Variants in ATXN7 observed in about 807,000 individuals in gnomAD.
ATXN7 encodes ataxin 7, also known as ataxin-7.
Under a neutral mutation model 70.5 loss-of-function variants are expected in ATXN7, and 12 were observed. The ratio of observed to expected loss-of-function variants is 0.17; its 90% CI spans 0.11 to 0.28. ATXN7 has a LOEUF of 0.28. Ranked by LOEUF, ATXN7 falls within the 10% of genes least tolerant of loss-of-function variation. The pLI is 1.00. For missense variants in ATXN7, 1,256 were observed against 1,131.7 expected, an observed-to-expected ratio of 1.11 and a Z score of -1.58; for synonymous variants, 498 against 448.7, an observed-to-expected ratio of 1.11 and a Z score of -1.39.
chr3:63,958,434 T>TA lies in ATXN7; in HGVS notation c.499+5951_499+5952insA, dbSNP rs1441857039. 2.4e-4 allele frequency among the ~76,000 whole-genome samples: 36 copies of TA among 152,214 alleles called. 1 individual carries two copies. Among genetic ancestry groups the TA allele is most frequent in the Admixed American group, 2.4e-3 (36 of 15,276 alleles). ...TCTCTGAGATCTGATGGACTGGTTCTGGCAAAAATGCTGGTTCTCATTGTT... is the reference window on the plus strand; with the variant it reads ...TCTCTGAGATCTGATGGACTGGTTCTAGGCAAAAATGCTGGTTCTCATTGTT... On this transcript the variant is annotated intron_variant, in intron 5 of 12. Transcript: ENST00000674280.
chr3:63,919,769 G>T (rs1704434351), intron 4 of ATXN7, among the ~76,000 whole-genome samples: 1 of 106,396 alleles, frequency 9.4e-6, no homozygotes, highest in Non-Finnish European at 1.7e-5. Flanking sequence ...CCCCACAACA[G>T]TCCCAGGTGT....
intron 4 of ATXN7, among the ~76,000 whole-genome samples, chr3:63,929,902 C>T (rs991153339): frequency 6.6e-6 from 1 of 152,190 alleles, no homozygotes; most frequent in Admixed American, 6.5e-5. Flanking sequence ...TCCCAGAACC[C>T]TGTCCTTGGC....
intron 7 of ATXN7, 122 bp downstream of exon 7, chr3:63,982,567 G>GGAAGTTCC (rs2106761279): frequency 1.1e-6 from 1 of 893,182 alleles, no homozygotes; most frequent in Non-Finnish European, 1.7e-6. Context: ...AGCTTTAGGA[G>GGAAGTTCC]GAAGTTCCTT....
chr3:63,926,277 G>A (rs979754348), intron 4 of ATXN7, among the ~76,000 whole-genome samples: 1 of 152,148 alleles, frequency 6.6e-6, no homozygotes, highest in African/African-American at 2.4e-5. Context: ...CAACAACAAC[G>A]AGTTAAAGAA....
intron 4 of ATXN7, among the ~76,000 whole-genome samples, chr3:63,945,577 C>G (rs955543915): frequency 6.6e-6 from 1 of 152,184 alleles, no homozygotes; most frequent in Non-Finnish European, 1.5e-5. Flanking sequence ...ATCACAAGGA[C>G]TTAATCTTTC....
chr3:63,958,257 T>C (rs893439689), intron 5 of ATXN7, among the ~76,000 whole-genome samples: 5 of 152,244 alleles, frequency 3.3e-5, no homozygotes, highest in Non-Finnish European at 7.3e-5. Context: ...TGGATTCTTT[T>C]AGATGCTATC....
chr3:63,939,117 A>T (rs2074712954), intron 4 of ATXN7, among the ~76,000 whole-genome samples: 1 of 152,032 alleles, frequency 6.6e-6, no homozygotes, highest in Admixed American at 6.6e-5. Context: ...TGGCTGTCTC[A>T]GAGGCCCTTA....
chr3:63,882,920 G>A (rs73130544), intron 1 of ATXN7, among the ~76,000 whole-genome samples: 15,557 of 152,210 alleles, frequency 0.1, 985 homozygotes, highest in Admixed American at 0.15. Flanking sequence ...AGCTCGTGGT[G>A]TGTGCCAGGA....
At chr3:63,906,857 G>C (rs1339614947) in intron 2 of ATXN7, among the ~76,000 whole-genome samples, 1 of 152,210 alleles carries the variant, frequency 6.6e-6, no homozygotes, top group African/African-American at 2.4e-5. Flanking sequence ...GGAGGCAACT[G>C]AACAGTGTAG....
chr3:63,988,463 GA>G (rs1042028888), intron 9 of ATXN7, 139 bp downstream of exon 9: 19,551 of 860,602 alleles, frequency 0.023, 1 homozygote, highest in Middle Eastern at 0.03. Flanking sequence ...GTTTTACTAT[GA>G]AAAAAAAAAA....
intron 5 of ATXN7, among the ~76,000 whole-genome samples, chr3:63,962,844 CAA>C (rs2075153524): frequency 6.6e-6 from 1 of 151,080 alleles, no homozygotes; most frequent in Non-Finnish European, 1.5e-5. Flanking sequence ...CTTAGCCAAA[CAA>C]ATTAAGAGAG....
chr3:63,954,717 T>G lies in ATXN7; in HGVS notation c.499+2234T>G, dbSNP rs545143774. 8.0e-5 allele frequency among the ~76,000 whole-genome samples: 12 copies of G among 149,124 alleles called. 1 individual carries two copies. In the South Asian group the frequency reaches 1.5e-3, roughly 19 times the overall value. On this transcript the variant is annotated intron_variant, in intron 5 of 12. Coordinates refer to ENST00000674280, the MANE Select transcript of ATXN7 (RefSeq NM_001377405.1). ...AAAAAGTGTTTTTTTTTTTGTTTTT[T>G]TTTTTTTTTGAGACGGAGTCTCGCT...
Position 63,982,825 on chromosome 3 carries a change from G to A in ATXN7, c.1013-114G>A, listed in dbSNP as rs992596265. On this transcript the variant is annotated intron_variant, in intron 7 of 12. Transcript: ENST00000674280. ...TATTTTTTATTTTATTGATAATGTGGCTTTTATTCCAGCTATAATTTATCT... is the reference window on the plus strand; with the variant it reads ...TATTTTTTATTTTATTGATAATGTGACTTTTATTCCAGCTATAATTTATCT... 1.7e-5 allele frequency: 14 copies of A among 807,378 alleles called. No individual in the cohort carries two copies. In the African/African-American group the frequency reaches 2.2e-4, roughly 13 times the overall value. 50.0% of individuals were successfully genotyped at this position (807,378 alleles called of 1,614,324 possible). A position where few individuals can be genotyped will look rare whatever the true frequency, so the allele number is the denominator to read the frequency against.
At chr3:63,985,695 C>A (rs2075566278) in intron 8 of ATXN7, among the ~76,000 whole-genome samples, 2 of 152,238 alleles carry the variant, frequency 1.3e-5, no homozygotes, top group South Asian at 4.1e-4. Context: ...TCCTCACTGC[C>A]CCTCCTCACT....
At chr3:63,892,374 CCACACACACACACACA>C (rs56293497) in intron 1 of ATXN7, among the ~76,000 whole-genome samples, 7 of 133,478 alleles carry the variant, frequency 5.2e-5, no homozygotes, top group African/African-American at 8.5e-5. Context: ...GACACCTCTA[CCACACACACACACACA>C]CACACACACA....
chr3:63,956,806 GC>G lies in ATXN7; in HGVS notation c.499+4327del, dbSNP rs1410464663. 7.9e-5 allele frequency among the ~76,000 whole-genome samples: 12 copies of G among 152,302 alleles called. No homozygotes were observed. In the East Asian group the frequency reaches 2.3e-3, roughly 29 times the overall value. ...GCCAACCAGAATGGCAGGAAGGGAG[GC>G]CCCTACTTTTTAAAGTATGTGTATT... On this transcript the variant is annotated intron_variant, in intron 5 of 12. Coordinates refer to ENST00000674280, the MANE Select transcript of ATXN7 (RefSeq NM_001377405.1).
Position 63,959,622 on chromosome 3 carries a change from ATAACT to A in ATXN7, c.499+7143_499+7147del, listed in dbSNP as rs549266153. Among the ~76,000 whole-genome samples, 282 of 152,342 alleles carry A rather than the reference ATAACT, an allele frequency of 1.9e-3. 1 individual carries two copies. The highest frequency in any genetic ancestry group is 5.4e-3 in the South Asian group (26 of 4,830). On this transcript the variant is annotated intron_variant, in intron 5 of 12. Coordinates refer to ENST00000674280, the MANE Select transcript of ATXN7 (RefSeq NM_001377405.1). ...AAAAAATGCTAATTAAATTTTTCAGATAACTTAAGTAGCATTAGATAAAGGTTTAT... is the reference window on the plus strand; with the variant it reads ...AAAAAATGCTAATTAAATTTTTCAGATAAGTAGCATTAGATAAAGGTTTAT...
At chr3:63,994,684 C>T (rs934442702) in intron 11 of ATXN7, among the ~76,000 whole-genome samples, 1 of 152,318 alleles carries the variant, frequency 6.6e-6, no homozygotes, top group Middle Eastern at 3.4e-3. Context: ...CCAGGGCTAC[C>T]CCTTAAGTCA....
intron 5 of ATXN7, among the ~76,000 whole-genome samples, chr3:63,974,718 T>C (rs563949376): frequency 1.2e-4 from 18 of 152,364 alleles, no homozygotes; most frequent in African/African-American, 4.1e-4. Flanking sequence ...CAGTACACAG[T>C]AGCAGCTGTT....
Sources: allele counts gnomAD v4.1 joint callset (sites outside exome capture counted in the v4.1 genomes callset), GRCh38; gene constraint gnomAD v4.1.1; transcripts MANE v1.5; gene names NCBI Gene and HGNC (gene_info 2026-07-23, HGNC 2026-07-21).